GNPAT: variants seen among roughly 807,000 people sequenced by gnomAD.
GNPAT encodes the protein dihydroxyacetone phosphate acyltransferase.
Under a neutral mutation model 78.4 loss-of-function variants are expected in GNPAT, and 30 were observed. That is an observed-to-expected ratio of 0.38 (90% confidence interval 0.29 to 0.52). GNPAT has a LOEUF of 0.52. Among genes scored for constraint, GNPAT ranks in the 20% least tolerant of loss-of-function variants. GNPAT has a pLI of 0.84. For synonymous variants in GNPAT, 271 were observed against 281.1 expected (o/e 0.96, Z 0.36); for missense variants, 714 against 812.2 (o/e 0.88, Z 1.47).
intron 5 of GNPAT, 71 bp downstream of exon 5, chr1:231,265,491 T>C (rs1050726620): frequency 1.5e-6 from 2 of 1,302,468 alleles, no homozygotes; most frequent in African/African-American, 2.9e-5. Flanking sequence ...TTTAAACTCT[T>C]AACTTCTGAA....
At chr1:231,265,150 T>TTG (rs1445180079) in intron 4 of GNPAT, 143 bp from the exon 5 acceptor site, 1 of 689,262 alleles carries the variant, frequency 1.5e-6, no homozygotes, top group African/African-American at 1.8e-5. Context: ...GCCAGGAAGT[T>TTG]TGTGACCAAC....
intron 1 of GNPAT, among the ~76,000 whole-genome samples, chr1:231,246,614 C>T (rs1684757078): frequency 6.6e-6 from 1 of 152,182 alleles, no homozygotes; most frequent in African/African-American, 2.4e-5. Flanking sequence ...TGTTATGTTC[C>T]TGAGTGAGTA....
At chr1:231,260,965 C>T (rs1354520030) in intron 3 of GNPAT, among the ~76,000 whole-genome samples, 1 of 152,156 alleles carries the variant, frequency 6.6e-6, no homozygotes, top group East Asian at 1.9e-4. Flanking sequence ...AACTTAATGC[C>T]AGATATTCAG....
chr1:231,242,278 T>A (rs185853298), intron 1 of GNPAT, among the ~76,000 whole-genome samples: 2 of 152,242 alleles, frequency 1.3e-5, no homozygotes, highest in Non-Finnish European at 2.9e-5. Context: ...TAGGAGAAAA[T>A]GAAAGAATTC....
In GNPAT at chr1:231,276,215, A is replaced by G; in HGVS notation, c.1999+19A>G. The G allele has an allele frequency of 2.3e-6, 3 of 1,298,622 alleles. No homozygotes were observed. The South Asian group carries it at 3.6e-5, about 16-fold the overall frequency. The allele number at this position is 1,298,622 out of a possible 1,614,324, so 80.4% of individuals were successfully genotyped here. A position where few individuals can be genotyped will look rare whatever the true frequency, so the allele number is the denominator to read the frequency against. Reference sequence around the variant, plus strand: ...ATGCTTGGTAAGTGCAGTTTAATAAAATACAAGTTTTCACATTTTGTTGAT... The same window carrying G: ...ATGCTTGGTAAGTGCAGTTTAATAAGATACAAGTTTTCACATTTTGTTGAT... On this transcript the variant is annotated intron_variant, in intron 15 of 15. Coordinates refer to ENST00000366647, the MANE Select transcript of GNPAT (RefSeq NM_014236.4).
Position 231,259,385 on chromosome 1 carries a change from C to T in GNPAT, c.262-1122C>T, listed in dbSNP as rs372271095. Among the ~76,000 whole-genome samples the T allele has an allele frequency of 3.5e-4, 54 of 152,196 alleles. 1 individual carries two copies. The highest frequency in any genetic ancestry group is 1.3e-3 in the African/African-American group (52 of 41,530). On this transcript the variant is annotated intron_variant, in intron 2 of 15. Transcript: ENST00000366647. ...TAATTTGGCCGGGTGTGGTGGCTCA[C>T]GCCTGTAATCCCAGCAATTTTGGAG...
chr1:231,254,109 G>A (rs1294715495), intron 2 of GNPAT, among the ~76,000 whole-genome samples: 1 of 152,160 alleles, frequency 6.6e-6, no homozygotes, highest in Non-Finnish European at 1.5e-5. Context: ...ACCATGCCCA[G>A]CCTTCTGCTT....
intron 1 of GNPAT, among the ~76,000 whole-genome samples, chr1:231,243,489 A>G (rs1287838664): frequency 1.3e-5 from 2 of 151,870 alleles, no homozygotes; most frequent in African/African-American, 4.8e-5. Context: ...CCGCCCTGCT[A>G]ATGTTTGTAT....
At chr1:231,272,516 T>C (rs909619076) in intron 11 of GNPAT, 125 bp downstream of exon 11, 1 of 683,580 alleles carries the variant, frequency 1.5e-6, no homozygotes, top group African/African-American at 1.8e-5. Flanking sequence ...TGGGGCAGAC[T>C]TCAAGAGAAA....
intron 1 of GNPAT, among the ~76,000 whole-genome samples, chr1:231,249,161 C>T (rs1035388810): frequency 6.6e-6 from 1 of 152,116 alleles, no homozygotes; most frequent in Non-Finnish European, 1.5e-5. Flanking sequence ...CAAACTGATA[C>T]AACTATATAT....
At chr1:231,245,613 G>C (rs1684726009) in intron 1 of GNPAT, among the ~76,000 whole-genome samples, 1 of 152,114 alleles carries the variant, frequency 6.6e-6, no homozygotes, top group East Asian at 1.9e-4. Context: ...CTATTGGCTT[G>C]CAAGAGCTGA....
chr1:231,267,681 T>A lies in GNPAT; in HGVS notation c.1057T>A (p.Tyr353Asn), dbSNP rs1039255339. The A allele has an allele frequency of 2.0e-5, 31 of 1,538,880 alleles. No individual in the cohort carries two copies. Among genetic ancestry groups the A allele is most frequent in the Non-Finnish European group, 2.8e-5 (31 of 1,111,182 alleles). The change falls in exon 9 of 16, where the codon TAC becomes AAC. Residue 353 changes from tyrosine (Y) to asparagine (N), a missense_variant and splice_region_variant. Physicochemically the swap from Tyr to Asn is moderately radical, Grantham distance 143. Transcript: ENST00000366647. ...SRSSYNLVPR[Y>N]IPQKQSEDMH... Reference sequence around the variant, plus strand: ...GTTGCTCTGTGCTCTTCCTTTTAGATACATTCCTCAGAAACAGTCTGAGGA... The same window carrying A: ...GTTGCTCTGTGCTCTTCCTTTTAGAAACATTCCTCAGAAACAGTCTGAGGA...
At chr1:231,244,248 C>T (rs931973272) in intron 1 of GNPAT, among the ~76,000 whole-genome samples, 1 of 152,118 alleles carries the variant, frequency 6.6e-6, no homozygotes, top group Non-Finnish European at 1.5e-5. Flanking sequence ...CCTGTTTTGC[C>T]TAAGTAGAGA....
At chr1:231,275,121 CCTTCT>C in intron 12 of GNPAT, 95 bp from the exon 13 acceptor site, 1 of 766,070 alleles carries the variant, frequency 1.3e-6, no homozygotes, top group South Asian at 1.5e-5. Flanking sequence ...TGTGATATAT[CCTTCT>C]CTTAAGAGGG....
intron 2 of GNPAT, among the ~76,000 whole-genome samples, chr1:231,253,370 T>C (rs1684955149): frequency 6.6e-6 from 1 of 152,238 alleles, no homozygotes; most frequent in Admixed American, 6.5e-5. Flanking sequence ...CTCTCTGACC[T>C]CTTGGAATCT....
chr1:231,270,606 G>T (rs1685535535), intron 9 of GNPAT, 152 bp from the exon 10 acceptor site: 1 of 786,446 alleles, frequency 1.3e-6, no homozygotes, highest in East Asian at 2.4e-5. Context: ...TTTTTCTTCA[G>T]ATTTGGTATC....
chr1:231,273,767 G>A (rs1280878518), intron 11 of GNPAT, among the ~76,000 whole-genome samples, 155 bp from the exon 12 acceptor site: 1 of 152,146 alleles, frequency 6.6e-6, no homozygotes, highest in African/African-American at 2.4e-5. Flanking sequence ...CTGGAGGTTG[G>A]GGAAATAGCT....
chr1:231,261,288 A>C (rs1422699604), intron 3 of GNPAT, among the ~76,000 whole-genome samples: 1 of 151,988 alleles, frequency 6.6e-6, no homozygotes, highest in Non-Finnish European at 1.5e-5. Flanking sequence ...AGACTCTTTT[A>C]ATCTAAAATA....
At chr1:231,257,380 C>T (rs904632242) in intron 2 of GNPAT, among the ~76,000 whole-genome samples, 14 of 152,110 alleles carry the variant, frequency 9.2e-5, no homozygotes, top group African/African-American at 3.4e-4. Context: ...CCATTCAGGT[C>T]CCAATTTTAG....
Sources: gnomAD v4.1 joint callset for allele counts (sites outside exome capture counted in the v4.1 genomes callset) on GRCh38, gnomAD v4.1.1 for gene constraint, MANE v1.5 for transcripts, NCBI Gene and HGNC (gene_info 2026-07-23, HGNC 2026-07-21) for gene names.